LIPI: variants seen among roughly 807,000 people sequenced by gnomAD.
LIPI encodes lipase member I.
LIPI carries 59 observed loss-of-function variants against 50.6 expected under a neutral mutation model. That is an observed-to-expected ratio of 1.16 (90% CI 0.94 to 1.45). The LOEUF is 1.45. LIPI is among the 40% of genes most tolerant of loss of function. The pLI is 0.00. For synonymous variants in LIPI, 203 were observed against 178.2 expected (o/e 1.14, Z -1.11); for missense variants, 586 against 536.3 (o/e 1.09, Z -0.92).
At position 14,159,968 on chromosome 21, in the gene LIPI, G is replaced by A. The variant is rs376825969; in HGVS notation, c.1006+3451C>T. ...TGTTGAAAATTGTAAAATGCTGACT[G>A]AAGAAATCAAAGAATCAAAGTATAT... On this transcript the variant is annotated intron_variant, in intron 7 of 9. Coordinates refer to ENST00000681601, the MANE Select transcript of LIPI (RefSeq NM_001302998.2). Among the ~76,000 whole-genome samples, 9 of 151,448 alleles carry A rather than the reference G, an allele frequency of 5.9e-5. No individual in the cohort carries two copies. In the East Asian group the frequency reaches 1.7e-3, roughly 29 times the overall value.
chr21:14,171,304 A>C (rs1409935670), intron 4 of LIPI, among the ~76,000 whole-genome samples: 3 of 144,562 alleles, frequency 2.1e-5, no homozygotes, highest in Non-Finnish European at 4.6e-5. Flanking sequence ...GGTAATTTAT[A>C]GATTCAATGC....
At chr21:14,166,293 G>A (rs1300508176) in intron 5 of LIPI, 69 bp downstream of exon 5, 2 of 925,082 alleles carry the variant, frequency 2.2e-6, no homozygotes, top group African/African-American at 1.6e-5. Context: ...ATTAAGAGGG[G>A]AAAAGTAAGT....
intron 1 of LIPI, among the ~76,000 whole-genome samples, chr21:14,205,170 A>G (rs1325802125): frequency 2.0e-5 from 3 of 151,868 alleles, no homozygotes; most frequent in Non-Finnish European, 2.9e-5. Flanking sequence ...AATTTTAATT[A>G]AAATAAAATT....
At chr21:14,159,678 T>C (rs1375760226) in intron 7 of LIPI, among the ~76,000 whole-genome samples, 2 of 151,274 alleles carry the variant, frequency 1.3e-5, no homozygotes, top group East Asian at 1.9e-4. Flanking sequence ...TGCACACAGA[T>C]TGTAATAGAA....
chr21:14,169,053 G>A (rs374542968), intron 4 of LIPI, among the ~76,000 whole-genome samples: 1 of 151,932 alleles, frequency 6.6e-6, no homozygotes, highest in Non-Finnish European at 1.5e-5. Flanking sequence ...AAAAGGCAGG[G>A]GTTGCAATCC....
intron 3 of LIPI, among the ~76,000 whole-genome samples, chr21:14,185,716 T>TA (rs528624498): frequency 2.3e-3 from 345 of 151,246 alleles, no homozygotes; most frequent in Non-Finnish European, 3.7e-3. Flanking sequence ...TGTCTCTACT[T>TA]AAAAAAAACA....
In LIPI at chr21:14,109,088, A is replaced by G; in HGVS notation, c.1296-8T>C. On this transcript the variant is annotated splice_polypyrimidine_tract_variant and splice_region_variant and intron_variant, in intron 9 of 9. Coordinates refer to ENST00000681601, the MANE Select transcript of LIPI (RefSeq NM_001302998.2). The stretch of plus-strand genomic sequence containing the variant: ...TACCTGCAAAGTGGTGGTCTGAGAA[A>G]GAGAAAAATGGAGAGAACAAAAAAA... The G allele has an allele frequency of 6.3e-7, 1 of 1,585,604 alleles. No individual in the cohort carries two copies. Among genetic ancestry groups the G allele is most frequent in the Non-Finnish European group, 8.7e-7 (1 of 1,155,660 alleles).
intron 4 of LIPI, among the ~76,000 whole-genome samples, chr21:14,167,675 TAACA>T (rs2018740866): frequency 6.6e-6 from 1 of 152,044 alleles, no homozygotes; most frequent in Non-Finnish European, 1.5e-5. Flanking sequence ...GAAGGAAAAC[TAACA>T]AACAGAAAGG....
chr21:14,189,738 T>C (rs1263261560), intron 1 of LIPI, among the ~76,000 whole-genome samples: 4 of 152,118 alleles, frequency 2.6e-5, no homozygotes, highest in Non-Finnish European at 4.4e-5. Flanking sequence ...CTAATCAAAG[T>C]TGATACATTG....
chr21:14,183,111 T>A (rs1013335411), intron 3 of LIPI, among the ~76,000 whole-genome samples: 1 of 152,190 alleles, frequency 6.6e-6, no homozygotes, highest in Non-Finnish European at 1.5e-5. Flanking sequence ...AGCATGGTAC[T>A]GGTACCAAAA....
intron 1 of LIPI, among the ~76,000 whole-genome samples, chr21:14,198,138 A>G (rs1323117264): frequency 6.6e-6 from 1 of 152,196 alleles, no homozygotes; most frequent in African/African-American, 2.4e-5. Flanking sequence ...TATGGAAAGG[A>G]AAGATCTTTA....
chr21:14,199,050 G>A (rs907268542), intron 1 of LIPI, among the ~76,000 whole-genome samples: 2 of 152,078 alleles, frequency 1.3e-5, no homozygotes, highest in African/African-American at 4.8e-5. Context: ...TGAAACTAAT[G>A]AGAACAAAGA....
intron 9 of LIPI, among the ~76,000 whole-genome samples, chr21:14,141,790 G>C (rs1387075792): frequency 6.6e-6 from 1 of 152,132 alleles, no homozygotes; most frequent in Non-Finnish European, 1.5e-5. Flanking sequence ...TTGAGCTTAT[G>C]TGTTGTTTTA....
intron 9 of LIPI, among the ~76,000 whole-genome samples, chr21:14,114,354 G>T (rs2016541264): frequency 6.6e-6 from 1 of 152,124 alleles, no homozygotes; most frequent in African/African-American, 2.4e-5. Context: ...CTGTTTTGAA[G>T]ATTATTGTAA....
Position 14,166,365 on chromosome 21 carries a change from A to T in LIPI, c.730T>A (p.Ser244Thr). Residue 244 changes from serine (S) to threonine (T), a missense_variant, in exon 5 of 10, where the codon TCA (serine) becomes ACA (threonine). Physicochemically the swap from Ser to Thr is moderately conservative, Grantham distance 58. Coordinates refer to ENST00000681601, the MANE Select transcript of LIPI (RefSeq NM_001302998.2). ...KQPGCPKSIF[S>T]GIQFIKCNHQ... ...TTCAAAAATACTGTCAGTATACCTG[A>T]GAAAATTGATTTAGGACAGCCAGGT... is the stretch of plus-strand genomic sequence containing the variant. 2 of 1,535,250 alleles carry T rather than the reference A, an allele frequency of 1.3e-6. No homozygotes were observed. Among genetic ancestry groups the T allele is most frequent in the South Asian group, 2.2e-5 (2 of 89,372 alleles).
In LIPI at chr21:14,145,224, T is replaced by A. The variant is rs554668883; in HGVS notation, c.1119-425A>T. Among the ~76,000 whole-genome samples the A allele has an allele frequency of 2.4e-3, 359 of 152,252 alleles. 2 individuals are homozygous for A. The highest frequency in any genetic ancestry group is 8.2e-3 in the African/African-American group (342 of 41,562). On this transcript the variant is annotated intron_variant, in intron 8 of 9. Transcript: ENST00000681601. Reference sequence around the variant, plus strand: ...GCAATAACTTATAAAGGCCTGAGATTCAAAACAGAAATACAGTGTTTAATA... The same window carrying A: ...GCAATAACTTATAAAGGCCTGAGATACAAAACAGAAATACAGTGTTTAATA...
intron 9 of LIPI, among the ~76,000 whole-genome samples, chr21:14,118,198 A>G (rs1442426765): frequency 2.0e-5 from 3 of 152,116 alleles, no homozygotes; most frequent in Admixed American, 6.6e-5. Flanking sequence ...GCAGAAGCCA[A>G]TGACTACCTT....
intron 1 of LIPI, among the ~76,000 whole-genome samples, chr21:14,199,593 A>G (rs577050352): frequency 6.6e-6 from 1 of 151,590 alleles, no homozygotes; most frequent in African/African-American, 2.4e-5. Flanking sequence ...TTAGGAATAA[A>G]TAGCCTACCA....
intron 9 of LIPI, among the ~76,000 whole-genome samples, chr21:14,139,654 C>T (rs73162693): frequency 0.14 from 20,939 of 152,078 alleles, 1,904 homozygotes; most frequent in South Asian, 0.22. Context: ...ATAACTCCTA[C>T]GAGAACAACA....
Sources: gnomAD v4.1 joint callset for allele counts (sites outside exome capture counted in the v4.1 genomes callset) on GRCh38, gnomAD v4.1.1 for gene constraint, MANE v1.5 for transcripts, NCBI Gene and HGNC (gene_info 2026-07-23, HGNC 2026-07-21) for gene names.